DAW1: variants seen among roughly 807,000 people sequenced by gnomAD.
DAW1 encodes dynein assembly factor with WD repeats 1.
Under a neutral mutation model 56.5 loss-of-function variants are expected in DAW1, and 47 were observed. The ratio of observed to expected loss-of-function variants is 0.83; its 90% CI spans 0.66 to 1.06. The LOEUF (loss-of-function observed/expected upper bound fraction) is 1.06. Ranked by LOEUF, DAW1 falls within the 50% of genes least tolerant of loss-of-function variation. The probability of loss-of-function intolerance (pLI) is 0.00; values close to 1 mark genes in which losing one functional copy is unlikely to be tolerated. For synonymous variants in DAW1, 190 were observed against 179.0 expected (o/e 1.06, Z -0.49); for missense variants, 505 against 499.3 (o/e 1.01, Z -0.11).
intron 1 of DAW1, among the ~76,000 whole-genome samples, chr2:227,880,527 C>T (rs1409258290): frequency 6.6e-6 from 1 of 152,048 alleles, no homozygotes; most frequent in African/African-American, 2.4e-5. Flanking sequence ...GGGAAAACAA[C>T]AAAACAAAAT....
At position 227,874,836 on chromosome 2, in the gene DAW1, G is replaced by A. The variant is rs145008220; in HGVS notation, c.40+3107G>A. 1.5e-3 allele frequency among the ~76,000 whole-genome samples: 221 copies of A among 152,064 alleles called. 1 individual carries two copies. Among genetic ancestry groups the A allele is most frequent in the African/African-American group, 4.8e-3 (200 of 41,462 alleles). On this transcript the variant is annotated intron_variant, in intron 1 of 12. Transcript: ENST00000309931. Reference sequence around the variant, plus strand: ...CAATTAGCCAGGTGTGGTGGTGCGGGTCTGTAATCCCAGCTACTCAGGAGG... The same window carrying A: ...CAATTAGCCAGGTGTGGTGGTGCGGATCTGTAATCCCAGCTACTCAGGAGG...
intron 9 of DAW1, 27 bp downstream of exon 9, chr2:227,906,365 C>G (rs759711749): frequency 6.5e-7 from 1 of 1,535,830 alleles, no homozygotes; most frequent in Non-Finnish European, 9.0e-7. Context: ...AATATCTTTG[C>G]TTTATATTGT....
intron 1 of DAW1, chr2:227,876,360 T>A: frequency 9.0e-7 from 1 of 1,116,688 alleles, no homozygotes; most frequent in Non-Finnish European, 1.2e-6. Context: ...TCTTGACTCA[T>A]GTTTGCGACT....
At chr2:227,887,515 T>G (rs1393097870) in intron 2 of DAW1, 1 of 152,218 alleles carries the variant, frequency 6.6e-6, no homozygotes, top group Non-Finnish European at 1.5e-5. Flanking sequence ...AGAAACAACT[T>G]GTACAACATA....
intron 10 of DAW1, among the ~76,000 whole-genome samples, chr2:227,918,142 G>GTCCATCCATCCATCCA (rs1289755154): frequency 0.088 from 7,253 of 82,070 alleles, 368 homozygotes; most frequent in Middle Eastern, 0.19. Flanking sequence ...CCATCCATCC[G>GTCCATCCATCCATCCA]TCCATCCATC....
At chr2:227,892,090 G>C (rs1297147333) in intron 4 of DAW1, among the ~76,000 whole-genome samples, 1 of 151,914 alleles carries the variant, frequency 6.6e-6, no homozygotes, top group Non-Finnish European at 1.5e-5. Context: ...AGGATGTATT[G>C]AACTAGGGCC....
chr2:227,894,233 T>C (rs1172275376), intron 5 of DAW1, among the ~76,000 whole-genome samples: 1 of 152,092 alleles, frequency 6.6e-6, no homozygotes, highest in African/African-American at 2.4e-5. Context: ...AAACCCCATC[T>C]CTACTAAAAA....
intron 11 of DAW1, among the ~76,000 whole-genome samples, chr2:227,921,155 T>C (rs2106219069): frequency 6.6e-6 from 1 of 152,272 alleles, no homozygotes; most frequent in South Asian, 2.1e-4. Flanking sequence ...TGGTCTTTAT[T>C]CTTAGAAATG....
chr2:227,913,371 C>G (rs1432633227), intron 10 of DAW1, among the ~76,000 whole-genome samples: 2 of 152,180 alleles, frequency 1.3e-5, no homozygotes, highest in Admixed American at 6.5e-5. Flanking sequence ...ATTTCTGAGT[C>G]ATCACCTTGA....
intron 4 of DAW1, among the ~76,000 whole-genome samples, chr2:227,892,617 A>G (rs74372119): frequency 0.13 from 19,570 of 152,184 alleles, 2,088 homozygotes; most frequent in African/African-American, 0.29. Flanking sequence ...CAAAGGTAGA[A>G]GAAGTCTGTG....
intron 10 of DAW1, among the ~76,000 whole-genome samples, chr2:227,917,623 T>G (rs552995711): frequency 2.0e-5 from 3 of 152,304 alleles, no homozygotes; most frequent in African/African-American, 7.2e-5. Flanking sequence ...CAGGCCATAT[T>G]ATTTCTGAGT....
intron 5 of DAW1, among the ~76,000 whole-genome samples, chr2:227,897,567 C>G (rs898564155): frequency 6.6e-6 from 1 of 152,136 alleles, no homozygotes; most frequent in Non-Finnish European, 1.5e-5. Flanking sequence ...AAAGGCCAAA[C>G]AGGGTAATCT....
In DAW1 at chr2:227,912,959, G is replaced by T. The variant is rs143933689; in HGVS notation, c.973+5707G>T. Among the ~76,000 whole-genome samples, 498 of 152,266 alleles carry T rather than the reference G, an allele frequency of 3.3e-3. 2 individuals are homozygous for T. The highest frequency in any genetic ancestry group is 6.3e-3 in the Non-Finnish European group (426 of 68,022). On this transcript the variant is annotated intron_variant, in intron 10 of 12. Coordinates refer to ENST00000309931, the MANE Select transcript of DAW1 (RefSeq NM_178821.3). ...GATGCCCCATCCTTGACAGCTATATGTTGTACAATATTATCACTGCTTATA... is the reference window on the plus strand; with the variant it reads ...GATGCCCCATCCTTGACAGCTATATTTTGTACAATATTATCACTGCTTATA...
chr2:227,879,093 C>A (rs1199982821), intron 1 of DAW1, among the ~76,000 whole-genome samples: 1 of 152,042 alleles, frequency 6.6e-6, no homozygotes, highest in Non-Finnish European at 1.5e-5. Context: ...GCTTCTCTTA[C>A]TTTTATAAAA....
intron 2 of DAW1, among the ~76,000 whole-genome samples, chr2:227,887,208 G>C (rs1444280595): frequency 6.6e-6 from 1 of 152,194 alleles, no homozygotes; most frequent in Non-Finnish European, 1.5e-5. Context: ...TAAAATCAAA[G>C]AATGAACAGT....
intron 7 of DAW1, among the ~76,000 whole-genome samples, chr2:227,903,998 T>A (rs1278139864): frequency 1.3e-4 from 20 of 151,668 alleles, no homozygotes; most frequent in East Asian, 3.9e-4. Context: ...GTTTTTTTTT[T>A]AAATCATTAC....
At chr2:227,885,195 A>G (rs1051466926) in intron 1 of DAW1, among the ~76,000 whole-genome samples, 156 bp from the exon 2 acceptor site, 4 of 152,192 alleles carry the variant, frequency 2.6e-5, no homozygotes, top group Admixed American at 2.6e-4. Flanking sequence ...GTTTGTCTAC[A>G]TGATCTTGTT....
intron 12 of DAW1, 28 bp from the exon 13 acceptor site, chr2:227,923,906 A>G: frequency 6.2e-7 from 1 of 1,612,690 alleles, no homozygotes. Context: ...TGAAGAAAAA[A>G]ATAACTGCAT....
chr2:227,879,109 A>G (rs1392137444), intron 1 of DAW1, among the ~76,000 whole-genome samples: 1 of 152,086 alleles, frequency 6.6e-6, no homozygotes, highest in Admixed American at 6.6e-5. Flanking sequence ...TAAAATATTT[A>G]TGTATAGTCG....
Sources: allele counts gnomAD v4.1 joint callset (sites outside exome capture counted in the v4.1 genomes callset), GRCh38; gene constraint gnomAD v4.1.1; transcripts MANE v1.5; gene names NCBI Gene and HGNC (gene_info 2026-07-23, HGNC 2026-07-21).